The following PRKCA variants were observed in gnomAD, a reference collection of about 807,000 sequenced individuals.
PRKCA encodes protein kinase C alpha, also known as protein kinase C alpha type.
PRKCA carries 27 observed loss-of-function variants against 87.0 expected under a neutral mutation model. The ratio of observed to expected loss-of-function variants is 0.31; its 90% CI spans 0.23 to 0.43. PRKCA has a LOEUF of 0.43. Ranked by LOEUF, PRKCA falls within the 20% of genes least tolerant of loss-of-function variation. The pLI, the probability that PRKCA is intolerant of heterozygous loss-of-function variation, is 1.00. For missense variants in PRKCA, 518 were observed against 852.3 expected (o/e 0.61, Z 4.88); for synonymous variants, 329 against 311.1 (o/e 1.06, Z -0.61).
At chr17:66,735,256 G>A (rs982862271) in intron 9 of PRKCA, among the ~76,000 whole-genome samples, 2 of 152,220 alleles carry the variant, frequency 1.3e-5, no homozygotes, top group African/African-American at 4.8e-5. Flanking sequence ...TGTGGCAGTG[G>A]CCTATACCAT....
intron 2 of PRKCA, among the ~76,000 whole-genome samples, chr17:66,385,940 A>G (rs1910036215): frequency 6.6e-6 from 1 of 152,032 alleles, no homozygotes; most frequent in African/African-American, 2.4e-5. Flanking sequence ...TGTGTTTTTT[A>G]GTAGAGATGG....
chr17:66,764,875 A>G (rs904540731), intron 13 of PRKCA, among the ~76,000 whole-genome samples: 5 of 152,096 alleles, frequency 3.3e-5, no homozygotes, highest in Non-Finnish European at 7.4e-5. Flanking sequence ...TCCTATCCCC[A>G]TAGGGGACAG....
At chr17:66,801,827 A>C (rs776244883) in intron 16 of PRKCA, among the ~76,000 whole-genome samples, 71 of 152,210 alleles carry the variant, frequency 4.7e-4, no homozygotes, top group Middle Eastern at 6.8e-3. Flanking sequence ...CCTGCCTCTC[A>C]TCCCCTCTGC....
intron 16 of PRKCA, chr17:66,796,902 C>A (rs1023955902): frequency 5.1e-6 from 5 of 985,388 alleles, no homozygotes; most frequent in Non-Finnish European, 6.0e-6. Flanking sequence ...GTAGCTCCCA[C>A]CTCGTTAGGT....
intron 2 of PRKCA, among the ~76,000 whole-genome samples, chr17:66,422,495 A>G (rs574466342): frequency 1.3e-5 from 2 of 152,318 alleles, no homozygotes; most frequent in South Asian, 2.1e-4. Context: ...TGGAAGAAGG[A>G]TAAAGGAATG....
chr17:66,605,807 C>T (rs9897537), intron 3 of PRKCA, among the ~76,000 whole-genome samples: 52,269 of 151,916 alleles, frequency 0.34, 9,422 homozygotes, highest in African/African-American at 0.4. Flanking sequence ...CATCCTGCTC[C>T]GTAAAAGAAG....
At chr17:66,438,016 G>A (rs1252084430) in intron 2 of PRKCA, among the ~76,000 whole-genome samples, 2 of 152,014 alleles carry the variant, frequency 1.3e-5, no homozygotes, top group South Asian at 2.1e-4. Context: ...GGTGGGGTTT[G>A]GGGGGTGGGT....
At chr17:66,578,295 G>A (rs918749800) in intron 3 of PRKCA, among the ~76,000 whole-genome samples, 2 of 152,114 alleles carry the variant, frequency 1.3e-5, no homozygotes, top group African/African-American at 2.4e-5. Flanking sequence ...CCAGGCTTCC[G>A]CACATGGTCA....
At chr17:66,451,046 A>G (rs533467128) in intron 2 of PRKCA, among the ~76,000 whole-genome samples, 1 of 152,360 alleles carries the variant, frequency 6.6e-6, no homozygotes, top group East Asian at 1.9e-4. Flanking sequence ...GTGTGTTTCC[A>G]GTGATCTATA....
intron 3 of PRKCA, among the ~76,000 whole-genome samples, chr17:66,587,402 G>A (rs1279600584): frequency 1.3e-5 from 2 of 151,932 alleles, no homozygotes; most frequent in South Asian, 2.1e-4. Flanking sequence ...CTACAGATTC[G>A]TTTGAAACTT....
intron 3 of PRKCA, among the ~76,000 whole-genome samples, chr17:66,541,860 T>A (rs1372446659): frequency 6.6e-6 from 1 of 152,238 alleles, no homozygotes. Flanking sequence ...TGCATGCCTC[T>A]CAGTTATCAC....
At chr17:66,660,208 GTGCTGTCTTC>G (rs1714672368) in intron 5 of PRKCA, among the ~76,000 whole-genome samples, 1 of 152,200 alleles carries the variant, frequency 6.6e-6, no homozygotes, top group South Asian at 2.1e-4. Flanking sequence ...AGCAGTCAGA[GTGCTGTCTTC>G]TGCTCCCCCC....
At chr17:66,318,848 C>T (rs1905474574) in intron 2 of PRKCA, among the ~76,000 whole-genome samples, 1 of 150,332 alleles carries the variant, frequency 6.7e-6, no homozygotes, top group African/African-American at 2.5e-5. Context: ...GAGCAAGACT[C>T]GGTCTCAAAA....
intron 11 of PRKCA, among the ~76,000 whole-genome samples, chr17:66,740,788 T>A (rs1047718773): frequency 6.6e-6 from 1 of 152,188 alleles, no homozygotes; most frequent in African/African-American, 2.4e-5. Flanking sequence ...ATCCTTTCAT[T>A]ATATTATTTG....
intron 2 of PRKCA, among the ~76,000 whole-genome samples, chr17:66,469,360 AAAAAC>A (rs1035773665): frequency 1.5e-4 from 23 of 152,328 alleles, no homozygotes; most frequent in Admixed American, 5.2e-4. Flanking sequence ...TGTGTTTCTT[AAAAAC>A]AAAACAAAAC....
At chr17:66,768,633 A>G (rs978067006) in intron 13 of PRKCA, among the ~76,000 whole-genome samples, 1 of 152,228 alleles carries the variant, frequency 6.6e-6, no homozygotes, top group African/African-American at 2.4e-5. Context: ...ATGTCTTACC[A>G]TGGCGGAGCA....
At chr17:66,450,819 G>A (rs1006162242) in intron 2 of PRKCA, among the ~76,000 whole-genome samples, 4 of 152,194 alleles carry the variant, frequency 2.6e-5, no homozygotes, top group African/African-American at 7.2e-5. Flanking sequence ...TTCATAAGCT[G>A]TGCTGAATTA....
chr17:66,701,939 C>G (rs145578498), intron 8 of PRKCA, among the ~76,000 whole-genome samples: 1 of 152,028 alleles, frequency 6.6e-6, no homozygotes, highest in Non-Finnish European at 1.5e-5. Context: ...AGCTACCATA[C>G]GATCCAGCAG....
At chr17:66,786,996 TTG>T in intron 15 of PRKCA, 22 bp downstream of exon 15, 1 of 1,511,810 alleles carries the variant, frequency 6.6e-7, no homozygotes, top group Non-Finnish European at 9.2e-7. Flanking sequence ...TGGATACCTT[TTG>T]TGATCATGGA....
Sources: gnomAD v4.1 joint callset for allele counts (sites outside exome capture counted in the v4.1 genomes callset) on GRCh38, gnomAD v4.1.1 for gene constraint, MANE v1.5 for transcripts, NCBI Gene and HGNC (gene_info 2026-07-23, HGNC 2026-07-21) for gene names.